The following NDC1 variants were observed in gnomAD, a reference collection of about 807,000 sequenced individuals.
NDC1 encodes nucleoporin NDC1.
NDC1 carries 24 observed loss-of-function variants against 89.8 expected under a neutral mutation model. The ratio of observed to expected loss-of-function variants is 0.27; its 90% CI spans 0.19 to 0.38. The LOEUF is 0.38. Ranked by LOEUF, NDC1 falls within the 10% of genes least tolerant of loss-of-function variation. NDC1 has a pLI of 1.00. For missense variants in NDC1, 728 were observed against 797.6 expected, an observed-to-expected ratio of 0.91 and a Z score of 1.05; for synonymous variants, 296 against 284.8, an observed-to-expected ratio of 1.04 and a Z score of -0.39.
At chr1:53,823,242 C>T (rs139481551) in intron 5 of NDC1, among the ~76,000 whole-genome samples, 12 of 152,278 alleles carry the variant, frequency 7.9e-5, no homozygotes, top group Admixed American at 2.6e-4. Flanking sequence ...TGGAGAACAG[C>T]GCCCACCTGG....
At chr1:53,811,356 G>T (rs1319742862) in intron 6 of NDC1, among the ~76,000 whole-genome samples, 1 of 152,174 alleles carries the variant, frequency 6.6e-6, no homozygotes, top group African/African-American at 2.4e-5. Flanking sequence ...CTCCCAGCTG[G>T]GAGGCGGGTA....
At chr1:53,827,086 T>C (rs749919423) in intron 4 of NDC1, among the ~76,000 whole-genome samples, 3 of 152,034 alleles carry the variant, frequency 2.0e-5, no homozygotes, top group Non-Finnish European at 2.9e-5. Flanking sequence ...TCATTTAATG[T>C]TTACCAACAG....
chr1:53,836,178 T>A (rs1649224792), intron 1 of NDC1, among the ~76,000 whole-genome samples: 1 of 152,206 alleles, frequency 6.6e-6, no homozygotes, highest in Non-Finnish European at 1.5e-5. Context: ...GTCTGTTTAC[T>A]GAAAGCTGGC....
intron 10 of NDC1, among the ~76,000 whole-genome samples, chr1:53,802,366 A>T (rs1394692873): frequency 1.3e-5 from 2 of 151,914 alleles, no homozygotes; most frequent in African/African-American, 2.4e-5. Context: ...AGAAATCATT[A>T]AAAAAAAGAT....
chr1:53,790,959 A>C (rs1254900512), intron 14 of NDC1, among the ~76,000 whole-genome samples: 1 of 151,834 alleles, frequency 6.6e-6, no homozygotes, highest in Non-Finnish European at 1.5e-5. Flanking sequence ...TAATCATCCT[A>C]CTCTGGTATC....
At chr1:53,820,542 A>T (rs1346055412) in intron 5 of NDC1, among the ~76,000 whole-genome samples, 1 of 146,124 alleles carries the variant, frequency 6.8e-6, no homozygotes, top group African/African-American at 2.8e-5. Flanking sequence ...ATTAAAAAAA[A>T]AATGTCTTTT....
intron 7 of NDC1, 132 bp downstream of exon 7, chr1:53,809,563 A>T (rs1015727209): frequency 4.8e-6 from 3 of 623,718 alleles, no homozygotes; most frequent in Non-Finnish European, 8.5e-6. Context: ...CATATAAACT[A>T]TATGTATTCA....
intron 5 of NDC1, among the ~76,000 whole-genome samples, chr1:53,823,205 A>G (rs983099978): frequency 6.6e-5 from 10 of 152,186 alleles, no homozygotes; most frequent in Admixed American, 4.6e-4. Context: ...CCACCCAGCA[A>G]AACACCTGCT....
rs114663284 is a variant in NDC1 at position 53,804,989 on chromosome 1, C to T, written c.985-980G>A. Reference sequence around the variant, plus strand: ...GTGCTATGTCTTATTCATCATTCTACCACAAACAACTAGCAGAGACTGACG... The same window carrying T: ...GTGCTATGTCTTATTCATCATTCTATCACAAACAACTAGCAGAGACTGACG... On this transcript the variant is annotated intron_variant, in intron 9 of 17. Transcript: ENST00000371429. Among the ~76,000 whole-genome samples, 242 of 152,208 alleles carry T rather than the reference C, an allele frequency of 1.6e-3. 1 individual carries two copies. The highest frequency in any genetic ancestry group is 2.9e-3 in the Non-Finnish European group (198 of 68,010).
intron 16 of NDC1, among the ~76,000 whole-genome samples, chr1:53,781,182 C>T (rs923984069): frequency 7.9e-5 from 12 of 152,126 alleles, no homozygotes; most frequent in Non-Finnish European, 1.8e-4. Flanking sequence ...TAAAATATAT[C>T]ATTTTGGTTC....
chr1:53,777,242 T>G (rs1406657415), intron 16 of NDC1, among the ~76,000 whole-genome samples: 1 of 152,162 alleles, frequency 6.6e-6, no homozygotes, highest in Admixed American at 6.5e-5. Context: ...CAAGCTGGTC[T>G]TGAACTCCTG....
chr1:53,835,815 A>G (rs1570245424), intron 1 of NDC1, among the ~76,000 whole-genome samples, 195 bp from the exon 2 acceptor site: 1 of 152,232 alleles, frequency 6.6e-6, no homozygotes, highest in East Asian at 1.9e-4. Flanking sequence ...GCATTAGTAC[A>G]AAGTTAGGTG....
At chr1:53,778,033 A>G (rs1467150305) in intron 16 of NDC1, among the ~76,000 whole-genome samples, 1 of 151,894 alleles carries the variant, frequency 6.6e-6, no homozygotes, top group Non-Finnish European at 1.5e-5. Flanking sequence ...TGATGTTGTA[A>G]CAAAAGATGT....
intron 16 of NDC1, among the ~76,000 whole-genome samples, chr1:53,773,095 CA>C (rs1210784686): frequency 0.032 from 2,051 of 64,342 alleles, 41 homozygotes; most frequent in African/African-American, 0.094. Flanking sequence ...AAGACCTCAG[CA>C]AAAAAAAAAA....
intron 1 of NDC1, 139 bp downstream of exon 1, chr1:53,838,066 C>T: frequency 1.3e-6 from 1 of 757,016 alleles, no homozygotes; most frequent in Non-Finnish European, 2.1e-6. Context: ...CAATCAGTCC[C>T]CCAAGTGGTG....
chr1:53,834,569 A>G (rs1298493875), intron 2 of NDC1, among the ~76,000 whole-genome samples: 3 of 152,146 alleles, frequency 2.0e-5, no homozygotes, highest in South Asian at 4.1e-4. Flanking sequence ...AGAAAGACCA[A>G]TTTTCAATCC....
At chr1:53,810,536 G>T (rs1648269687) in intron 6 of NDC1, among the ~76,000 whole-genome samples, 1 of 151,676 alleles carries the variant, frequency 6.6e-6, no homozygotes, top group African/African-American at 2.4e-5. Flanking sequence ...TCATGGAAAT[G>T]ATCATAGTCA....
chr1:53,781,978 T>C (rs1450777735), intron 16 of NDC1, among the ~76,000 whole-genome samples: 11 of 152,132 alleles, frequency 7.2e-5, no homozygotes, highest in Non-Finnish European at 1.5e-5. Context: ...TATCAGATGA[T>C]GGGAATAGAG....
At chr1:53,797,884 C>T (rs1647774150) in intron 11 of NDC1, among the ~76,000 whole-genome samples, 2 of 151,906 alleles carry the variant, frequency 1.3e-5, no homozygotes, top group South Asian at 4.1e-4. Context: ...GCACTGGCCT[C>T]CCAAAGTGCT....
Sources: gnomAD v4.1 joint callset for allele counts (sites outside exome capture counted in the v4.1 genomes callset) on GRCh38, gnomAD v4.1.1 for gene constraint, MANE v1.5 for transcripts, NCBI Gene and HGNC (gene_info 2026-07-23, HGNC 2026-07-21) for gene names.